RARB: variants seen among roughly 807,000 people sequenced by gnomAD.
RARB encodes HBV-activated protein.
Under a neutral mutation model 51.9 loss-of-function variants are expected in RARB, and 17 were observed. The observed-to-expected ratio is 0.33, with a 90% CI of 0.22 to 0.49. The LOEUF is 0.49. Ranked by LOEUF, RARB falls within the 20% of genes least tolerant of loss-of-function variation. RARB has a pLI of 0.99. For synonymous variants in RARB, 215 were observed against 195.4 expected (o/e 1.10, Z -0.84); for missense variants, 369 against 550.8 (o/e 0.67, Z 3.30).
intron 1 of RARB, among the ~76,000 whole-genome samples, chr3:25,429,788 C>T (rs1167982908): frequency 3.3e-5 from 5 of 152,240 alleles, no homozygotes; most frequent in Admixed American, 6.5e-5. Context: ...ATCCCACCTT[C>T]GGGTGGCTGT....
At chr3:25,515,063 C>T (rs1698089171) in intron 3 of RARB, among the ~76,000 whole-genome samples, 1 of 152,220 alleles carries the variant, frequency 6.6e-6, no homozygotes, top group Non-Finnish European at 1.5e-5. Flanking sequence ...CCTCCTGTCT[C>T]TTGGGGCTGA....
intron 2 of RARB, among the ~76,000 whole-genome samples, chr3:24,953,672 G>A (rs1695947542): frequency 6.6e-6 from 1 of 152,164 alleles, no homozygotes. Flanking sequence ...GTCAGAAGAG[G>A]CCTTTGTGCC....
intron 3 of RARB, among the ~76,000 whole-genome samples, chr3:25,085,145 GT>G (rs1699081941): frequency 6.6e-6 from 1 of 152,094 alleles, no homozygotes; most frequent in Non-Finnish European, 1.5e-5. Context: ...GCCACCTGAA[GT>G]TCAAAATACT....
chr3:25,357,284 C>G lies in RARB; in HGVS notation c.179-103909C>G, dbSNP rs148425430. 6.7e-3 allele frequency among the ~76,000 whole-genome samples: 1,019 copies of G among 152,302 alleles called. 14 individuals are homozygous for G. Among genetic ancestry groups the G allele is most frequent in the African/African-American group, 0.022 (935 of 41,568 alleles). On this transcript the variant is annotated intron_variant, in intron 5 of 11. Coordinates refer to the RARB transcript ENST00000383772. ...TGACCAGTGATAATGAGCTTTCTTT[C>G]ATATGTTTGTTGGCTGCATAAATGT...
Position 25,170,363 on chromosome 3 carries a change from G to A in RARB, c.-279-3756G>A, listed in dbSNP as rs563336723. Reference sequence around the variant, plus strand: ...CTAGAGCTGTGGCTCTCAAATGTTAGCTGCATCGGAGTCCTCTGGAGGGCT... The same window carrying A: ...CTAGAGCTGTGGCTCTCAAATGTTAACTGCATCGGAGTCCTCTGGAGGGCT... On this transcript the variant is annotated intron_variant, in intron 4 of 11. Transcript: ENST00000383772. 3.3e-5 allele frequency among the ~76,000 whole-genome samples: 5 copies of A among 152,230 alleles called. No homozygotes were observed. In the South Asian group the frequency reaches 1.0e-3, roughly 32 times the overall value.
At chr3:25,210,646 G>A (rs1191483252) in intron 5 of RARB, among the ~76,000 whole-genome samples, 25 of 144,384 alleles carry the variant, frequency 1.7e-4, no homozygotes, top group African/African-American at 5.1e-5. Flanking sequence ...AGAAATTCTC[G>A]TGCCTCAGTC....
intron 5 of RARB, among the ~76,000 whole-genome samples, chr3:25,309,275 C>T (rs1704228226): frequency 6.7e-6 from 1 of 149,964 alleles, no homozygotes; most frequent in Non-Finnish European, 1.5e-5. Context: ...ACTGAGACTA[C>T]AGGCACCCGC....
At chr3:25,225,732 A>G (rs1220094603) in intron 5 of RARB, among the ~76,000 whole-genome samples, 1 of 152,208 alleles carries the variant, frequency 6.6e-6, no homozygotes, top group East Asian at 1.9e-4. Flanking sequence ...ACGCACACGT[A>G]TTTGTGATGG....
chr3:24,923,451 T>A (rs1441786008), intron 2 of RARB, among the ~76,000 whole-genome samples: 2 of 152,142 alleles, frequency 1.3e-5, no homozygotes, highest in African/African-American at 4.8e-5. Flanking sequence ...TACCAATAAT[T>A]ATAGAATCGT....
At chr3:25,217,430 C>T (rs73149205) in intron 5 of RARB, among the ~76,000 whole-genome samples, 3,131 of 152,044 alleles carry the variant, frequency 0.021, 89 homozygotes, top group African/African-American at 0.07. Context: ...CAATATTATG[C>T]CTGTATAGCC....
At chr3:25,503,296 C>A (rs949389629) in intron 3 of RARB, among the ~76,000 whole-genome samples, 8 of 152,220 alleles carry the variant, frequency 5.3e-5, no homozygotes, top group African/African-American at 1.4e-4. Context: ...TCACCTTCTG[C>A]TCTAGTTTTG....
chr3:25,154,200 A>G (rs1018553241), intron 4 of RARB, among the ~76,000 whole-genome samples: 7 of 152,200 alleles, frequency 4.6e-5, no homozygotes, highest in African/African-American at 1.7e-4. Flanking sequence ...ACCGGTGCTA[A>G]TGGATATATC....
chr3:25,530,517 C>T (rs1188343897), intron 3 of RARB, among the ~76,000 whole-genome samples: 1 of 152,172 alleles, frequency 6.6e-6, no homozygotes, highest in Admixed American at 6.5e-5. Context: ...TTGTCATTTC[C>T]AGCTCCTAGA....
intron 5 of RARB, among the ~76,000 whole-genome samples, chr3:25,208,364 T>C (rs1224944837): frequency 6.6e-6 from 1 of 152,252 alleles, no homozygotes; most frequent in African/African-American, 2.4e-5. Context: ...TCTCATCCAC[T>C]TATAGACAGT....
At chr3:25,228,815 C>T (rs1702114292) in intron 5 of RARB, among the ~76,000 whole-genome samples, 1 of 152,116 alleles carries the variant, frequency 6.6e-6, no homozygotes, top group Non-Finnish European at 1.5e-5. Flanking sequence ...CACCAGTGTA[C>T]CTTCTGCTCT....
At chr3:25,398,095 C>T (rs1707165435) in intron 5 of RARB, among the ~76,000 whole-genome samples, 1 of 151,754 alleles carries the variant, frequency 6.6e-6, no homozygotes, top group Non-Finnish European at 1.5e-5. Flanking sequence ...GTTTTTATTC[C>T]ATCTCAATTT....
chr3:25,283,518 A>C (rs1490045801), intron 5 of RARB, among the ~76,000 whole-genome samples: 1 of 152,232 alleles, frequency 6.6e-6, no homozygotes, highest in African/African-American at 2.4e-5. Context: ...TAATTGCTGA[A>C]ATTAAAACAT....
At chr3:24,846,601 G>A (rs1250265428) in intron 1 of RARB, among the ~76,000 whole-genome samples, 1 of 152,172 alleles carries the variant, frequency 6.6e-6, no homozygotes, top group East Asian at 1.9e-4. Flanking sequence ...GTTGTGGAGG[G>A]CAGGGATTCC....
At chr3:25,124,722 T>G (rs145309273) in intron 3 of RARB, among the ~76,000 whole-genome samples, 4 of 152,314 alleles carry the variant, frequency 2.6e-5, no homozygotes, top group Admixed American at 2.6e-4. Context: ...AAGTTGAGAT[T>G]GAGGTATTTG....
Sources: allele counts gnomAD v4.1 joint callset (sites outside exome capture counted in the v4.1 genomes callset), GRCh38; gene constraint gnomAD v4.1.1; transcripts MANE v1.5; gene names NCBI Gene and HGNC (gene_info 2026-07-23, HGNC 2026-07-21).